SEL1L2: variants seen among roughly 807,000 people sequenced by gnomAD.
SEL1L2 encodes SEL1L2 adaptor subunit of SYVN1 ubiquitin ligase.
A neutral mutation model predicts 98.8 loss-of-function variants in SEL1L2; 89 were observed. That is an observed-to-expected ratio of 0.90 (90% CI 0.76 to 1.07). SEL1L2 has a LOEUF of 1.07. Among genes scored for constraint, SEL1L2 ranks in the 50% least tolerant of loss-of-function variants. SEL1L2 has a pLI of 0.00. For missense variants in SEL1L2, 788 were observed against 812.0 expected, an observed-to-expected ratio of 0.97 and a Z score of 0.36; for synonymous variants, 262 against 278.5, an observed-to-expected ratio of 0.94 and a Z score of 0.59.
chr20:13,949,763 A>G (rs2050185270), intron 2 of SEL1L2, among the ~76,000 whole-genome samples: 1 of 152,234 alleles, frequency 6.6e-6, no homozygotes, highest in African/African-American at 2.4e-5. Flanking sequence ...GTGGGCATGT[A>G]AAATGGTGCA....
At chr20:13,903,922 C>T (rs1252463461) in intron 5 of SEL1L2, among the ~76,000 whole-genome samples, 1 of 152,200 alleles carries the variant, frequency 6.6e-6, no homozygotes, top group Non-Finnish European at 1.5e-5. Flanking sequence ...TACCACTCTC[C>T]AACTGCCATT....
upstream of SEL1L2, among the ~76,000 whole-genome samples, chr20:13,991,987 G>A (rs1190497832): frequency 6.6e-6 from 1 of 152,006 alleles, no homozygotes; most frequent in African/African-American, 2.4e-5. Flanking sequence ...CAGCCTGAGC[G>A]ACAGAGTGAG....
chr20:13,865,826 T>C (rs1431064499), intron 15 of SEL1L2, among the ~76,000 whole-genome samples: 2 of 96,334 alleles, frequency 2.1e-5, no homozygotes, highest in Non-Finnish European at 5.0e-5. Context: ...CGCTAGTGTG[T>C]GTGTCTGTGT....
intron 2 of SEL1L2, among the ~76,000 whole-genome samples, chr20:13,943,390 C>T (rs2030502948): frequency 6.6e-6 from 1 of 151,864 alleles, no homozygotes; most frequent in African/African-American, 2.4e-5. Flanking sequence ...TCTGTATTTA[C>T]ATGCAAGGAG....
chr20:13,906,710 ACT>A (rs2047944142), intron 5 of SEL1L2, among the ~76,000 whole-genome samples: 2 of 152,078 alleles, frequency 1.3e-5, no homozygotes, highest in South Asian at 4.1e-4. Flanking sequence ...ACAGCGTCTC[ACT>A]CTGTCACCCA....
At chr20:13,869,404 A>G in intron 14 of SEL1L2, 99 bp downstream of exon 14, 1 of 921,414 alleles carries the variant, frequency 1.1e-6, no homozygotes, top group Non-Finnish European at 1.8e-6. Flanking sequence ...TGTTCTGTCT[A>G]AACCACTCAC....
chr20:13,872,716 C>T (rs2046259733), intron 12 of SEL1L2, among the ~76,000 whole-genome samples: 1 of 151,864 alleles, frequency 6.6e-6, no homozygotes, highest in Admixed American at 6.6e-5. Flanking sequence ...CCCTGGGATC[C>T]CAGGGACTCA....
chr20:13,907,819 G>A (rs1053004239), intron 5 of SEL1L2, among the ~76,000 whole-genome samples: 2 of 149,504 alleles, frequency 1.3e-5, no homozygotes, highest in African/African-American at 4.9e-5. Flanking sequence ...CCAGGCTGGA[G>A]TGTAGTGACA....
In SEL1L2 at chr20:13,849,486, T is replaced by C. The variant is rs1217652274; in HGVS notation, c.2066A>G (p.Ter689TrpextTer?). ...LILLLRNHHG* is the reference protein window; with the variant it reads ...LILLLRNHHGW ...GCAGGTTTTCCTGTGATCCGCATCCTACCCATGGTGATTTCTAAGCAACAA... is the reference window on the plus strand; with the variant it reads ...GCAGGTTTTCCTGTGATCCGCATCCCACCCATGGTGATTTCTAAGCAACAA... The change falls in exon 20 of 20, where the codon TAG becomes TGG. Residue 689 changes from the stop codon to tryptophan, a stop_lost. Transcript: ENST00000284951. 2 of 1,613,926 alleles carry C rather than the reference T, an allele frequency of 1.2e-6. No individual in the cohort carries two copies. Among genetic ancestry groups the C allele is most frequent in the South Asian group, 2.2e-5 (2 of 91,062 alleles).
At chr20:13,975,803 C>A (rs1007905677) in intron 1 of SEL1L2, among the ~76,000 whole-genome samples, 1 of 152,068 alleles carries the variant, frequency 6.6e-6, no homozygotes, top group Non-Finnish European at 1.5e-5. Context: ...ATGCATAGGA[C>A]AATAAAGGCA....
chr20:13,875,036 A>G (rs1225077793), intron 12 of SEL1L2, among the ~76,000 whole-genome samples: 1 of 152,208 alleles, frequency 6.6e-6, no homozygotes, highest in African/African-American at 2.4e-5. Context: ...CCAGGAGCAG[A>G]GGCAAAGACT....
chr20:13,984,088 T>C (rs1210122655), intron 1 of SEL1L2, among the ~76,000 whole-genome samples: 1 of 151,708 alleles, frequency 6.6e-6, no homozygotes, highest in African/African-American at 2.4e-5. Context: ...CTAAGCTCAC[T>C]GCAACCTCTG....
intron 5 of SEL1L2, among the ~76,000 whole-genome samples, chr20:13,895,086 AAAAGGAT>A: frequency 6.6e-6 from 1 of 152,336 alleles, no homozygotes; most frequent in Non-Finnish European, 1.5e-5. Flanking sequence ...ATGGCACATT[AAAAGGAT>A]TATACACCAT....
chr20:13,853,740 TCA>T (rs756537523), intron 18 of SEL1L2, among the ~76,000 whole-genome samples: 7 of 152,196 alleles, frequency 4.6e-5, no homozygotes, highest in Non-Finnish European at 7.3e-5. Flanking sequence ...GATTCAAATC[TCA>T]GATTGTCCCT....
At chr20:13,882,104 TGA>T (rs2046729156) in intron 10 of SEL1L2, among the ~76,000 whole-genome samples, 1 of 152,128 alleles carries the variant, frequency 6.6e-6, no homozygotes, top group Admixed American at 6.5e-5. Flanking sequence ...ACAATTATTA[TGA>T]GTCAATTAAA....
At chr20:13,970,463 A>G (rs2051232095) in intron 1 of SEL1L2, among the ~76,000 whole-genome samples, 1 of 152,242 alleles carries the variant, frequency 6.6e-6, no homozygotes, top group Non-Finnish European at 1.5e-5. Context: ...CATTTTAAAT[A>G]TTAATAGATA....
chr20:13,975,263 A>G (rs1307448737), intron 1 of SEL1L2, among the ~76,000 whole-genome samples: 1 of 152,216 alleles, frequency 6.6e-6, no homozygotes, highest in Admixed American at 6.5e-5. Context: ...AAATAGCTCA[A>G]TCAATCACCT....
intron 3 of SEL1L2, among the ~76,000 whole-genome samples, chr20:13,922,818 T>C (rs1042494057): frequency 1.3e-5 from 2 of 152,234 alleles, no homozygotes; most frequent in Non-Finnish European, 2.9e-5. Flanking sequence ...CTAGATAGTA[T>C]TGATTGATTT....
chr20:13,905,489 AT>A (rs1271349350), intron 5 of SEL1L2, among the ~76,000 whole-genome samples: 5 of 151,656 alleles, frequency 3.3e-5, no homozygotes, highest in East Asian at 3.9e-4. Flanking sequence ...TTTTTGGTGT[AT>A]TTTTTAGTAG....
Sources: allele counts gnomAD v4.1 joint callset (sites outside exome capture counted in the v4.1 genomes callset), GRCh38; gene constraint gnomAD v4.1.1; transcripts MANE v1.5; gene names NCBI Gene and HGNC (gene_info 2026-07-23, HGNC 2026-07-21).